ADAMTS9: variants seen among roughly 807,000 people sequenced by gnomAD.
ADAMTS9 encodes A disintegrin and metalloproteinase with thrombospondin motifs 9.
ADAMTS9 carries 107 observed loss-of-function variants against 257.1 expected under a neutral mutation model. That is an observed-to-expected ratio of 0.42 (90% confidence interval 0.36 to 0.49). The LOEUF (loss-of-function observed/expected upper bound fraction) is 0.49. ADAMTS9 is among the 20% of genes least tolerant of loss of function. The probability of loss-of-function intolerance (pLI) is 0.03; values close to 1 mark genes in which losing one functional copy is unlikely to be tolerated. For missense variants in ADAMTS9, 2,353 were observed against 2,469.1 expected (o/e 0.95, Z 1.00); for synonymous variants, 982 against 880.9 (o/e 1.11, Z -2.03).
At chr3:64,580,629 G>T (rs1262886429) in intron 28 of ADAMTS9, among the ~76,000 whole-genome samples, 2 of 152,088 alleles carry the variant, frequency 1.3e-5, no homozygotes, top group Non-Finnish European at 2.9e-5. Flanking sequence ...GAGGTTGCTG[G>T]GTGACCCAGT....
chr3:64,660,170 TC>T (rs1269331510), intron 3 of ADAMTS9, among the ~76,000 whole-genome samples: 2 of 152,194 alleles, frequency 1.3e-5, no homozygotes, highest in African/African-American at 2.4e-5. Flanking sequence ...CAGTTTGTGG[TC>T]TAAAATAGGC....
rs549693443 is a variant in ADAMTS9 at position 64,632,736 on chromosome 3, G to A, written c.2175+736C>T. On this transcript the variant is annotated intron_variant, in intron 14 of 39. Coordinates refer to ENST00000498707, the MANE Select transcript of ADAMTS9 (RefSeq NM_182920.2). ...AAATGGACAGACAAGGAAATCTGCA[G>A]TATAAGCTATTAGTCAGTGGGTGAT... 2.6e-5 allele frequency among the ~76,000 whole-genome samples: 4 copies of A among 151,586 alleles called. No homozygotes were observed. The East Asian group carries it at 5.9e-4, about 22-fold the overall frequency.
chr3:64,546,798 C>T lies in ADAMTS9; in HGVS notation c.5024G>A (p.Cys1675Tyr), dbSNP rs576278045. 6.2e-7 allele frequency: 1 copy of T among 1,612,532 alleles called. No individual in the cohort carries two copies. The highest frequency in any genetic ancestry group is 1.1e-5 in the South Asian group (1 of 90,702). The stretch of plus-strand genomic sequence containing the variant: ...AACTCTCCAGGTGGCCGAGACAGGG[C>T]AGTCCCTCAGGTAACAGGGGTGAAC... Reference protein sequence around the residue: ...PSVHPCYLRDCPVSATWRVGN... With the variant: ...PSVHPCYLRDYPVSATWRVGN... The change falls in exon 32 of 40, where the codon TGC (cysteine) becomes TAC (tyrosine). Residue 1675 changes from cysteine (C) to tyrosine (Y), a missense_variant. This residue lies in a region of ADAMTS9 where 1,402 missense variants were observed against 1,441.4 expected (regional missense o/e 0.97). Coordinates refer to ENST00000498707, the MANE Select transcript of ADAMTS9 (RefSeq NM_182920.2).
At chr3:64,678,053 C>A (rs895182912) in intron 3 of ADAMTS9, among the ~76,000 whole-genome samples, 12 of 152,186 alleles carry the variant, frequency 7.9e-5, no homozygotes, top group Admixed American at 4.6e-4. Context: ...GAAAGTGTCA[C>A]AGTCATTGTG....
chr3:64,673,861 CATT>C (rs1321119550), intron 3 of ADAMTS9, among the ~76,000 whole-genome samples: 1 of 151,830 alleles, frequency 6.6e-6, no homozygotes, highest in Admixed American at 6.6e-5. Flanking sequence ...AAATCTTAGT[CATT>C]ATTAAGATTC....
chr3:64,648,477 T>G (rs1044944802), intron 10 of ADAMTS9, among the ~76,000 whole-genome samples: 1 of 152,356 alleles, frequency 6.6e-6, no homozygotes, highest in South Asian at 2.1e-4. Context: ...TACAACTTGC[T>G]TTCTTCCTCC....
chr3:64,524,802 T>G (rs757440272), intron 38 of ADAMTS9, among the ~76,000 whole-genome samples: 1 of 152,370 alleles, frequency 6.6e-6, no homozygotes, highest in African/African-American at 2.4e-5. Context: ...TCTTTGCCTC[T>G]GCAGATTCAT....
chr3:64,559,865 C>G (rs1340647813), intron 30 of ADAMTS9, among the ~76,000 whole-genome samples: 3 of 152,212 alleles, frequency 2.0e-5, no homozygotes, highest in African/African-American at 7.2e-5. Flanking sequence ...TCTGAACACT[C>G]TCTTACTTTC....
At chr3:64,680,919 A>T (rs1701737771) in intron 3 of ADAMTS9, among the ~76,000 whole-genome samples, 1 of 152,168 alleles carries the variant, frequency 6.6e-6, no homozygotes. Flanking sequence ...AGCAACTTCA[A>T]CAGAAAAGGT....
intron 30 of ADAMTS9, among the ~76,000 whole-genome samples, chr3:64,560,309 T>A (rs1412131217): frequency 1.3e-5 from 2 of 151,964 alleles, no homozygotes; most frequent in Non-Finnish European, 2.9e-5. Flanking sequence ...CACTGTCTGG[T>A]GGGAATAAAA....
In ADAMTS9 at chr3:64,518,764, ATTTTTTTTTT is replaced by A. The variant is rs61286740; in HGVS notation, c.*6-1653_*6-1644del. Among the ~76,000 whole-genome samples, 8 of 65,294 alleles carry A rather than the reference ATTTTTTTTTT, an allele frequency of 1.2e-4. No individual in the cohort carries two copies. In the Admixed American group the frequency reaches 1.4e-3, roughly 11 times the overall value. The allele number at this position is 65,294 out of a possible 152,430, so 42.8% of individuals were successfully genotyped here. ...CGAGGGAATTTATCATTACCTTTTC[ATTTTTTTTTT>A]TTTTTTTTTTTTTTTTGAGACAGAG... On this transcript the variant is annotated intron_variant, in intron 39 of 39. Transcript: ENST00000498707.
intron 4 of ADAMTS9, 107 bp from the exon 5 acceptor site, chr3:64,655,982 T>C: frequency 3.1e-6 from 2 of 642,776 alleles, no homozygotes; most frequent in East Asian, 2.8e-5. Context: ...TCTTGCAACA[T>C]ATGCATTTTG....
At chr3:64,639,259 A>T (rs79769864) in intron 12 of ADAMTS9, among the ~76,000 whole-genome samples, 1 of 142,416 alleles carries the variant, frequency 7.0e-6, no homozygotes, top group Admixed American at 7.2e-5. Context: ...TTTTAATGAA[A>T]TGATGTCAGT....
At chr3:64,569,127 A>G (rs2106685302) in intron 28 of ADAMTS9, 1 of 152,970 alleles carries the variant, frequency 6.5e-6, no homozygotes, top group South Asian at 2.1e-4. Flanking sequence ...TGATCTGCAG[A>G]TTCACTGGAC....
intron 28 of ADAMTS9, among the ~76,000 whole-genome samples, chr3:64,579,709 C>A (rs754378538): frequency 3.0e-4 from 46 of 152,130 alleles, no homozygotes; most frequent in Non-Finnish European, 5.7e-4. Flanking sequence ...AACCTAGAAC[C>A]ACTTATCTCA....
At chr3:64,559,822 G>C (rs1334581229) in intron 30 of ADAMTS9, among the ~76,000 whole-genome samples, 3 of 152,188 alleles carry the variant, frequency 2.0e-5, no homozygotes, top group Non-Finnish European at 4.4e-5. Flanking sequence ...TTCAAAAGCT[G>C]GCTAAAGCAC....
At chr3:64,533,073 G>A (rs1355950509) in intron 38 of ADAMTS9, 93 bp downstream of exon 38, 19 of 1,169,888 alleles carry the variant, frequency 1.6e-5, no homozygotes, top group Non-Finnish European at 2.2e-5. Flanking sequence ...AAGCACATTC[G>A]TTTGCTCCTT....
chr3:64,543,853 G>A (rs1451765619), intron 32 of ADAMTS9, among the ~76,000 whole-genome samples: 1 of 152,192 alleles, frequency 6.6e-6, no homozygotes, highest in Admixed American at 6.5e-5. Context: ...TGACATGATT[G>A]TATATTTAGA....
rs367745244 is a variant in ADAMTS9, at chr3:64,533,292, A to G, written c.5614-22T>C. ...GACCCTGGAAAACACGACCAACAAA[A>G]GAGATTTTCAGTCCATGTGATGTCC... On this transcript the variant is annotated intron_variant, in intron 37 of 39. Coordinates refer to ENST00000498707, the MANE Select transcript of ADAMTS9 (RefSeq NM_182920.2). The G allele has an allele frequency of 3.8e-6, 6 of 1,597,272 alleles. No homozygotes were observed. The African/African-American group carries it at 8.0e-5, about 21-fold the overall frequency.
Sources: gnomAD v4.1 joint callset for allele counts (sites outside exome capture counted in the v4.1 genomes callset) on GRCh38, gnomAD v4.1.1 for gene constraint, gnomAD v4.1.1 regional missense constraint, MANE v1.5 for transcripts, NCBI Gene and HGNC (gene_info 2026-07-23, HGNC 2026-07-21) for gene names.